WDR36: variants seen among roughly 807,000 people sequenced by gnomAD.
WDR36 encodes the protein WD repeat-containing protein 36.
Under a neutral mutation model 112.7 loss-of-function variants are expected in WDR36, and 63 were observed. The observed-to-expected ratio is 0.56, with a 90% CI of 0.46 to 0.69. The LOEUF is 0.69. Ranked by LOEUF, WDR36 falls within the 30% of genes least tolerant of loss-of-function variation. WDR36 has a pLI of 0.00. For missense variants in WDR36, 1,226 were observed against 1,070.3 expected, an observed-to-expected ratio of 1.15 and a Z score of -2.03; for synonymous variants, 410 against 362.2, an observed-to-expected ratio of 1.13 and a Z score of -1.50.
At chr5:111,118,940 C>A in intron 16 of WDR36, 73 bp from the exon 17 acceptor site, 2 of 1,301,436 alleles carry the variant, frequency 1.5e-6, no homozygotes, top group Non-Finnish European at 2.2e-6. Flanking sequence ...ATCTTTTTGG[C>A]AAAAATATTT....
rs1228468159 is a variant in WDR36, at chr5:111,120,498, C to T, written c.1907C>T (p.Ser636Phe). 6.2e-7 allele frequency: 1 copy of T among 1,610,404 alleles called. No individual in the cohort carries two copies. Among genetic ancestry groups the T allele is most frequent in the Non-Finnish European group, 8.5e-7 (1 of 1,177,296 alleles). ...HVDHLGIYLWSNISLYSVVSL... is the reference protein window; with the variant it reads ...HVDHLGIYLWFNISLYSVVSL... ...TTGCTTATGTTTTGATTTTTCAGGT[C>T]CAATATTTCCCTGTATTCAGTTGTT... Residue 636 changes from serine (S) to phenylalanine (F), a missense_variant and splice_region_variant, in exon 18 of 23, where the codon TCC becomes TTC. By Grantham distance (155) the Ser-to-Phe change is radical. Coordinates refer to ENST00000513710, the MANE Select transcript of WDR36 (RefSeq NM_139281.3).
chr5:111,097,886 G>A (rs1022901026), intron 3 of WDR36, among the ~76,000 whole-genome samples: 8 of 152,202 alleles, frequency 5.3e-5, no homozygotes, highest in African/African-American at 1.9e-4. Context: ...GGCAGAGGAA[G>A]GTAACTTATC....
rs1202490872 is a variant in WDR36 at position 111,128,242 on chromosome 5, G to A, written c.*1359G>A. On this transcript the variant is annotated 3_prime_UTR_variant, in exon 23 of 23. Coordinates refer to ENST00000513710, the MANE Select transcript of WDR36 (RefSeq NM_139281.3). ...ATTCTCGTTCGTTGTTAGGGTAAGAGAGTTTTGTAGAATGATCTCCAAAAG... is the reference window on the plus strand; with the variant it reads ...ATTCTCGTTCGTTGTTAGGGTAAGAAAGTTTTGTAGAATGATCTCCAAAAG... 1 of 189,034 alleles carries A rather than the reference G, an allele frequency of 5.3e-6. No homozygotes were observed. Among genetic ancestry groups the A allele is most frequent in the Non-Finnish European group, 1.1e-5 (1 of 89,882 alleles). The allele number at this position is 189,034 out of a possible 1,614,324, so 11.7% of individuals were successfully genotyped here. A position where few individuals can be genotyped will look rare whatever the true frequency, so the allele number is the denominator to read the frequency against.
intron 3 of WDR36, among the ~76,000 whole-genome samples, chr5:111,097,823 G>A (rs1206522260): frequency 2.0e-5 from 3 of 152,196 alleles, no homozygotes; most frequent in Non-Finnish European, 2.9e-5. Flanking sequence ...CACTGTACTT[G>A]TCAGGGACTT....
chr5:111,115,305 G>C (rs1400480507), intron 16 of WDR36, among the ~76,000 whole-genome samples: 1 of 152,180 alleles, frequency 6.6e-6, no homozygotes, highest in Non-Finnish European at 1.5e-5. Flanking sequence ...CTGCTTAATT[G>C]CAACTAAGCT....
chr5:111,125,678 T>G lies in WDR36; in HGVS notation c.2421T>G (p.Ser807=). Residue 807 remains serine (S), a synonymous_variant, in exon 22 of 23, where the codon TCT becomes TCG. Transcript: ENST00000513710. ...TTGAAACAGAGCTGCGAAGCTTGTC[T>G]CCTGATTGTGGTGGGTCCATAGAAG... ...SGIETELRSL[S]PDCGGSIEVM... 2 of 1,613,930 alleles carry G rather than the reference T, an allele frequency of 1.2e-6. No individual in the cohort carries two copies.
At position 111,121,038 on chromosome 5, in the gene WDR36, T is replaced by C. The variant is rs1184539213; in HGVS notation, c.2045T>C (p.Leu682Ser). The C allele has an allele frequency of 6.2e-7, 1 of 1,613,404 alleles. No homozygotes were observed. The highest frequency in any genetic ancestry group is 8.5e-7 in the Non-Finnish European group (1 of 1,179,610). ...GAAACAGTAGAACCAAGTGATGAAT[T>C]GATAGAATATGATTCGCCAGAACAG... is the stretch of plus-strand genomic sequence containing the variant. Reference protein sequence around the residue: ...SEETVEPSDELIEYDSPEQLN... With the variant: ...SEETVEPSDESIEYDSPEQLN... Residue 682 changes from leucine to serine, a missense_variant, in exon 19 of 23, where the codon TTG (leucine) becomes TCG (serine). Coordinates refer to ENST00000513710, the MANE Select transcript of WDR36 (RefSeq NM_139281.3).
At chr5:111,113,321 A>C (rs1753386343) in intron 16 of WDR36, among the ~76,000 whole-genome samples, 168 bp downstream of exon 16, 1 of 151,986 alleles carries the variant, frequency 6.6e-6, no homozygotes, top group Admixed American at 6.6e-5. Context: ...TTGATAACTA[A>C]ACAGCAGGTA....
chr5:111,124,030 AT>A lies in WDR36; in HGVS notation c.2269-77del, dbSNP rs1184428865. 5 of 1,595,852 alleles carry A rather than the reference AT, an allele frequency of 3.1e-6. No homozygotes were observed. In the East Asian group the frequency reaches 9.0e-5, roughly 29 times the overall value. The stretch of plus-strand genomic sequence containing the variant: ...TTTACAGATATAGGGTAAATTAATG[AT>A]AGCTTTTAATTACAAACTATACATT... On this transcript the variant is annotated intron_variant, in intron 20 of 22. Coordinates refer to ENST00000513710, the MANE Select transcript of WDR36 (RefSeq NM_139281.3).
intron 14 of WDR36, 94 bp from the exon 15 acceptor site, chr5:111,111,076 C>T: frequency 1.3e-6 from 2 of 1,553,058 alleles, no homozygotes; most frequent in Non-Finnish European, 1.8e-6. Flanking sequence ...TTAATTTCCC[C>T]CAAAGTGTAC....
At chr5:111,115,622 C>G (rs567886829) in intron 16 of WDR36, among the ~76,000 whole-genome samples, 1 of 152,024 alleles carries the variant, frequency 6.6e-6, no homozygotes, top group African/African-American at 2.4e-5. Flanking sequence ...TTTGGAAATT[C>G]CTAGTTCTTC....
intron 16 of WDR36, among the ~76,000 whole-genome samples, chr5:111,113,936 A>C (rs1380198154): frequency 6.6e-6 from 1 of 152,158 alleles, no homozygotes; most frequent in Non-Finnish European, 1.5e-5. Context: ...ATCACCTCTT[A>C]AAGGCACTCC....
At chr5:111,104,851 A>C in intron 9 of WDR36, 34 bp downstream of exon 9, 3 of 1,609,382 alleles carry the variant, frequency 1.9e-6, no homozygotes, top group Non-Finnish European at 2.5e-6. Flanking sequence ...AGTTTATTTC[A>C]GCAAGTATTG....
At chr5:111,102,040 C>A (rs557882805) in intron 5 of WDR36, among the ~76,000 whole-genome samples, 1 of 151,618 alleles carries the variant, frequency 6.6e-6, no homozygotes, top group African/African-American at 2.4e-5. Flanking sequence ...AAAGATACTG[C>A]AGTCCTAAAT....
intron 10 of WDR36, 68 bp from the exon 11 acceptor site, chr5:111,105,984 GCTTTT>G: frequency 8.4e-7 from 1 of 1,191,562 alleles, no homozygotes; most frequent in South Asian, 1.2e-5. Context: ...AAGACTGATA[GCTTTT>G]CTTTTATATA....
Position 111,126,793 on chromosome 5 carries a change from A to G in WDR36, c.2598A>G (p.Ser866=), listed in dbSNP as rs78750466. 1 of 1,613,808 alleles carries G rather than the reference A, an allele frequency of 6.2e-7. No individual in the cohort carries two copies. Among genetic ancestry groups the G allele is most frequent in the African/African-American group, 1.3e-5 (1 of 75,012 alleles). The change falls in exon 23 of 23, where the codon TCA becomes TCG. Residue 866 remains serine, a synonymous_variant. Transcript: ENST00000513710. ...TCCTAGAAGAAATAACAAATTTGTC[A>G]TCCCAGGTGGAAGAAAACTGGACCC... ...PVLLEEITNL[S]SQVEENWTHL...
chr5:111,101,344 A>AAAT (rs1156743279), intron 5 of WDR36, among the ~76,000 whole-genome samples: 4 of 151,932 alleles, frequency 2.6e-5, no homozygotes, highest in Admixed American at 2.6e-4. Flanking sequence ...ATCCATCAGA[A>AAAT]AATAATAATA....
chr5:111,125,562 T>C (rs1331837206), intron 21 of WDR36, 46 bp from the exon 22 acceptor site: 11 of 1,566,486 alleles, frequency 7.0e-6, no homozygotes, highest in Non-Finnish European at 9.6e-6. Context: ...ATTTTCTAAG[T>C]TAAATGATTA....
intron 1 of WDR36, 84 bp from the exon 2 acceptor site, chr5:111,094,836 G>A (rs1752942913): frequency 4.6e-6 from 5 of 1,095,284 alleles, no homozygotes; most frequent in Non-Finnish European, 6.8e-6. Context: ...ATATACGTAT[G>A]AGGTTATATC....
Sources: gnomAD v4.1 joint callset for allele counts (sites outside exome capture counted in the v4.1 genomes callset) on GRCh38, gnomAD v4.1.1 for gene constraint, MANE v1.5 for transcripts, NCBI Gene and HGNC (gene_info 2026-07-23, HGNC 2026-07-21) for gene names.